UNC79: variants seen among roughly 807,000 people sequenced by gnomAD.
UNC79 encodes the protein unc-79 subunit of NALCN channel complex, also known as protein unc-79 homolog.
A neutral mutation model predicts 283.1 loss-of-function variants in UNC79; 37 were observed. The ratio of observed to expected loss-of-function variants is 0.13; its 90% CI spans 0.10 to 0.17. The LOEUF (loss-of-function observed/expected upper bound fraction) is 0.17, where lower values mean the gene tolerates loss of function less well. UNC79 is among the 10% of genes least tolerant of loss of function. The pLI, the probability that UNC79 is intolerant of heterozygous loss-of-function variation, is 1.00. For synonymous variants in UNC79, 1,107 were observed against 1,200.2 expected, an observed-to-expected ratio of 0.92 and a Z score of 1.61; for missense variants, 2,272 against 3,211.1, an observed-to-expected ratio of 0.71 and a Z score of 7.07.
At chr14:93,694,450 C>G in intron 47 of UNC79, 38 bp downstream of exon 50, 1 of 1,547,796 alleles carries the variant, frequency 6.5e-7, no homozygotes, top group Non-Finnish European at 8.9e-7. Flanking sequence ...CCATTTCTTA[C>G]TGCTAAAAAC....
chr14:93,704,515 G>A lies in UNC79; in HGVS notation c.7549-110G>A, dbSNP rs111824345. ...TAGCCCTGCAGCAGGGCCCACATCC[G>A]TGCGCGACGTGAAAGGGATTCAATG... On this transcript the variant is annotated intron_variant, in intron 47 of 48. Transcript: ENST00000555664. 4,541 of 1,262,582 alleles carry A rather than the reference G, an allele frequency of 3.6e-3. 84 individuals carry two copies. The African/African-American group carries it at 0.049, about 14-fold the overall frequency. The allele number at this position is 1,262,582 out of a possible 1,614,324, so 78.2% of individuals were successfully genotyped here. A position where few individuals can be genotyped will look rare whatever the true frequency, so the allele number is the denominator to read the frequency against.
chr14:93,582,368 G>A (rs769229331), intron 20 of UNC79, 24 bp downstream of exon 20: 12 of 1,609,962 alleles, frequency 7.5e-6, no homozygotes, highest in Non-Finnish European at 9.3e-6. Flanking sequence ...GACTGCCGGG[G>A]AATGCGCCAC....
intron 20 of UNC79, among the ~76,000 whole-genome samples, chr14:93,583,820 T>G (rs2064006381): frequency 4.6e-5 from 7 of 151,194 alleles, no homozygotes; most frequent in Admixed American, 4.6e-4. Context: ...TTTTTTTTTT[T>G]TTAAGATAAG....
At chr14:93,705,611 A>C (rs1379706706) in intron 48 of UNC79, among the ~76,000 whole-genome samples, 1 of 152,236 alleles carries the variant, frequency 6.6e-6, no homozygotes, top group Non-Finnish European at 1.5e-5. Context: ...ATCCCGCCTG[A>C]ATATGTTTCC....
intron 32 of UNC79, among the ~76,000 whole-genome samples, chr14:93,637,863 G>A (rs1036299487): frequency 3.3e-5 from 5 of 152,154 alleles, no homozygotes; most frequent in Admixed American, 6.5e-5. Flanking sequence ...TCCATATCAT[G>A]CCATATCTAC....
intron 20 of UNC79, 126 bp downstream of exon 20, chr14:93,582,470 C>A (rs1431403725): frequency 1.5e-6 from 2 of 1,319,694 alleles, no homozygotes; most frequent in South Asian, 3.2e-5. Flanking sequence ...TAGACTCGTG[C>A]AGAGGAACAT....
At chr14:93,514,100 C>G (rs1203857069) in intron 7 of UNC79, among the ~76,000 whole-genome samples, 2 of 151,988 alleles carry the variant, frequency 1.3e-5, no homozygotes, top group Admixed American at 1.3e-4. Context: ...AATTAGAGAA[C>G]AAGTCAGTAA....
chr14:93,653,844 C>T (rs2070595924), exon 36 of UNC79: 18 of 1,614,008 alleles, frequency 1.1e-5, no homozygotes, highest in Non-Finnish European at 1.4e-5. Context: ...TGTTCCAAAG[C>T]ACGATCAAAG....
intron 1 of UNC79, among the ~76,000 whole-genome samples, chr14:93,355,485 C>G (rs1487266145): frequency 6.6e-6 from 1 of 152,208 alleles, no homozygotes; most frequent in African/African-American, 2.4e-5. Context: ...GCGTGAGCCA[C>G]TGCACCCAGC....
intron 1 of UNC79, chr14:93,347,242 G>A (rs1448496442): frequency 6.3e-7 from 1 of 1,583,742 alleles, no homozygotes; most frequent in Non-Finnish European, 8.6e-7. Flanking sequence ...TGCTGTCCAC[G>A]CCTGGCTTTG....
intron 30 of UNC79, among the ~76,000 whole-genome samples, chr14:93,627,268 C>T (rs1003345339): frequency 6.6e-6 from 1 of 152,148 alleles, no homozygotes; most frequent in Admixed American, 6.5e-5. Context: ...GACTTGTGGT[C>T]TCTGTCCTTG....
intron 1 of UNC79, among the ~76,000 whole-genome samples, chr14:93,409,115 G>A (rs1421800319): frequency 2.6e-5 from 4 of 152,120 alleles, no homozygotes; most frequent in African/African-American, 9.7e-5. Flanking sequence ...AATTGTAAGT[G>A]CAAGTCAAAA....
chr14:93,431,755 C>T (rs895515790), intron 1 of UNC79, among the ~76,000 whole-genome samples: 3 of 152,196 alleles, frequency 2.0e-5, no homozygotes, highest in Admixed American at 2.0e-4. Flanking sequence ...TTGGTTGTCC[C>T]AGTAATGACT....
intron 3 of UNC79, among the ~76,000 whole-genome samples, chr14:93,477,003 A>G (rs2057841005): frequency 6.6e-6 from 1 of 152,172 alleles, no homozygotes; most frequent in Admixed American, 6.5e-5. Flanking sequence ...TGTTAGAAAG[A>G]TTATTATTAG....
intron 34 of UNC79, 88 bp from the exon 38 acceptor site, chr14:93,646,520 G>A: frequency 1.5e-6 from 2 of 1,352,352 alleles, no homozygotes; most frequent in South Asian, 2.4e-5. Flanking sequence ...ATCTAAACTG[G>A]AAACACAACA....
rs756677535 is a variant in UNC79 at position 93,577,934 on chromosome 14, GCGTAGTCCGTTT to G, written c.2310_2321del (p.Arg773_Phe776del). The G allele has an allele frequency of 2.5e-6, 4 of 1,614,174 alleles. No individual in the cohort carries two copies. The East Asian group carries it at 6.7e-5, about 27-fold the overall frequency. On this transcript the variant is annotated inframe_deletion, in exon 18 of 49. Transcript: ENST00000555664. ...TCCAGAGTCCGTTTCGGAGTCCTTT[GCGTAGTCCGTTT>G]CGTAGCCCTTTCAAGAATTTTGGAC...
intron 1 of UNC79, among the ~76,000 whole-genome samples, chr14:93,357,775 G>GTGGATATATGGATATATATA (rs1566889852): frequency 2.5e-5 from 2 of 78,738 alleles, no homozygotes; most frequent in African/African-American, 1.6e-4. Context: ...ATATGGATAT[G>GTGGATATATGGATATATATA]TGGATATATG....
At chr14:93,514,649 C>T (rs896866861) in intron 7 of UNC79, among the ~76,000 whole-genome samples, 8 of 152,244 alleles carry the variant, frequency 5.3e-5, no homozygotes, top group East Asian at 1.9e-4. Flanking sequence ...AAATTCCATC[C>T]GCCTTAGCAT....
At chr14:93,386,350 A>G (rs1250449957) in intron 1 of UNC79, among the ~76,000 whole-genome samples, 1 of 152,084 alleles carries the variant, frequency 6.6e-6, no homozygotes, top group Non-Finnish European at 1.5e-5. Flanking sequence ...GATCTTTTTA[A>G]TGTGCTGTTG....
Sources: gnomAD v4.1 joint callset for allele counts (sites outside exome capture counted in the v4.1 genomes callset) on GRCh38, gnomAD v4.1.1 for gene constraint, MANE v1.5 for transcripts, NCBI Gene and HGNC (gene_info 2026-07-23, HGNC 2026-07-21) for gene names.